ZNF398: variants seen among roughly 807,000 people sequenced by gnomAD.
ZNF398 encodes the protein zinc finger DNA binding protein ZER6.
In ZNF398, 18 loss-of-function variants were observed where a neutral mutation model predicts 41.9. The ratio of observed to expected loss-of-function variants is 0.43; its 90% confidence interval spans 0.30 to 0.64. The LOEUF is 0.64. ZNF398 is among the 30% of genes least tolerant of loss of function. The pLI is 0.14. For missense variants in ZNF398, 669 were observed against 822.8 expected, an observed-to-expected ratio of 0.81 and a Z score of 2.29; for synonymous variants, 260 against 308.8, an observed-to-expected ratio of 0.84 and a Z score of 1.66.
intron 2 of ZNF398, among the ~76,000 whole-genome samples, chr7:149,136,263 G>C (rs1323061358): frequency 6.6e-6 from 1 of 152,194 alleles, no homozygotes; most frequent in Non-Finnish European, 1.5e-5. Flanking sequence ...CTCACACTTA[G>C]AGGGTTGCAG....
At chr7:149,155,608 G>C (rs1444077726) in intron 2 of ZNF398, among the ~76,000 whole-genome samples, 1 of 150,790 alleles carries the variant, frequency 6.6e-6, no homozygotes, top group Non-Finnish European at 1.5e-5. Flanking sequence ...TAAGACCAAG[G>C]AAAGGAATTT....
At chr7:149,162,796 G>T (rs913618364) in intron 2 of ZNF398, among the ~76,000 whole-genome samples, 6 of 151,900 alleles carry the variant, frequency 3.9e-5, no homozygotes, top group African/African-American at 1.5e-4. Context: ...AGTGGTTCAC[G>T]CCTGTACTCC....
intron 2 of ZNF398, among the ~76,000 whole-genome samples, chr7:149,138,095 G>A (rs1826751278): frequency 6.6e-6 from 1 of 151,876 alleles, no homozygotes; most frequent in African/African-American, 2.4e-5. Flanking sequence ...CAGCTACTCG[G>A]GAGGCTGAGG....
chr7:149,128,781 T>TAAAATA (rs1826537779), intron 1 of ZNF398: 10 of 11,936 alleles, frequency 8.4e-4, no homozygotes, highest in African/African-American at 2.3e-3. Context: ...AAAATAAAAT[T>TAAAATA]ATATATATAT....
chr7:149,132,241 CTGTAG>C (rs1826611732), intron 2 of ZNF398, among the ~76,000 whole-genome samples: 1 of 142,770 alleles, frequency 7.0e-6, no homozygotes, highest in Non-Finnish European at 1.5e-5. Context: ...GTCCCCCAGG[CTGTAG>C]TGCAATGCTG....
intron 2 of ZNF398, among the ~76,000 whole-genome samples, chr7:149,155,386 C>T (rs891497484): frequency 1.3e-5 from 2 of 151,996 alleles, no homozygotes; most frequent in African/African-American, 4.8e-5. Flanking sequence ...CGCCACTGCA[C>T]TCCAGCCTGG....
chr7:149,142,032 C>T (rs149978029), intron 2 of ZNF398, among the ~76,000 whole-genome samples: 2 of 151,948 alleles, frequency 1.3e-5, no homozygotes, highest in Non-Finnish European at 2.9e-5. Context: ...TACTACAGCT[C>T]CAAACTCCTG....
intron 2 of ZNF398, among the ~76,000 whole-genome samples, chr7:149,162,068 G>C (rs912224198): frequency 6.6e-6 from 1 of 151,968 alleles, no homozygotes; most frequent in Admixed American, 6.6e-5. Flanking sequence ...TCTTGCTCTC[G>C]CCTGGGCTGG....
rs1487552954 is a variant in ZNF398 at position 149,154,059 on chromosome 7, G to A, written c.139G>A (p.Val47Met). The A allele has an allele frequency of 1.9e-6, 3 of 1,614,084 alleles. No homozygotes were observed. The highest frequency in any genetic ancestry group is 2.5e-6 in the Non-Finnish European group (3 of 1,180,048). ...QTAAISLWTV[V>M]AAVQAIERKV... ...AGCAGCTATCTCTCTGTGGACAGTG[G>A]TGGCCGCCGTGCAGGCTATAGAGAG... Residue 47 changes from valine to methionine, a missense_variant, in exon 2 of 6, where the codon GTG becomes ATG. Transcript: ENST00000475153.
intron 1 of ZNF398, among the ~76,000 whole-genome samples, chr7:149,151,974 C>T (rs780905532): frequency 8.6e-5 from 13 of 151,640 alleles, no homozygotes; most frequent in Admixed American, 3.9e-4. Context: ...GGCTCACGCC[C>T]GTAATGCCAA....
At chr7:149,152,138 C>G (rs1827133027) in intron 1 of ZNF398, among the ~76,000 whole-genome samples, 1 of 152,022 alleles carries the variant, frequency 6.6e-6, no homozygotes, top group Non-Finnish European at 1.5e-5. Context: ...CGCTTGAACC[C>G]AGGCAGCGGA....
intron 2 of ZNF398, among the ~76,000 whole-genome samples, chr7:149,163,457 C>G (rs993646077): frequency 1.3e-5 from 2 of 151,066 alleles, no homozygotes; most frequent in African/African-American, 4.9e-5. Context: ...ACCGCAACCT[C>G]CGCCTCCCGA....
chr7:149,148,431 G>A, intron 1 of ZNF398: 2 of 985,554 alleles, frequency 2.0e-6, no homozygotes, highest in South Asian at 4.7e-5. Context: ...AGAATGAGAA[G>A]GGGACGGTCA....
chr7:149,143,715 G>T (rs1052911546), upstream of ZNF398, among the ~76,000 whole-genome samples: 1 of 152,152 alleles, frequency 6.6e-6, no homozygotes, highest in African/African-American at 2.4e-5. Flanking sequence ...GGGAGGCTGA[G>T]GCAGGAGAAT....
intron 2 of ZNF398, among the ~76,000 whole-genome samples, chr7:149,130,793 G>C (rs1232158813): frequency 6.6e-6 from 1 of 152,196 alleles, no homozygotes; most frequent in East Asian, 1.9e-4. Flanking sequence ...GGGTGTTACT[G>C]CTGAGGAGAT....
intron 2 of ZNF398, among the ~76,000 whole-genome samples, chr7:149,161,399 G>A (rs1217269734): frequency 1.3e-5 from 2 of 152,090 alleles, no homozygotes; most frequent in Non-Finnish European, 2.9e-5. Flanking sequence ...CAAAAATTAT[G>A]TTTCTAAAGA....
chr7:149,172,777 G>C (rs1335976705), intron 4 of ZNF398, among the ~76,000 whole-genome samples: 1 of 152,146 alleles, frequency 6.6e-6, no homozygotes, highest in African/African-American at 2.4e-5. Context: ...GGCATCTCCA[G>C]GATATTGTGG....
chr7:149,160,189 AGCACTTTGGG>A (rs1408523893), intron 2 of ZNF398, among the ~76,000 whole-genome samples: 2 of 152,192 alleles, frequency 1.3e-5, no homozygotes, highest in African/African-American at 4.8e-5. Flanking sequence ...CTGTAATCCC[AGCACTTTGGG>A]AGGCCAAGGC....
intron 1 of ZNF398, chr7:149,148,120 T>G: frequency 3.8e-6 from 1 of 263,476 alleles, no homozygotes; most frequent in Non-Finnish European, 7.2e-6. Flanking sequence ...CCGTCAGCCA[T>G]TCTCGCGGCC....
Sources: allele counts gnomAD v4.1 joint callset (sites outside exome capture counted in the v4.1 genomes callset), GRCh38; gene constraint gnomAD v4.1.1; transcripts MANE v1.5; gene names NCBI Gene and HGNC (gene_info 2026-07-23, HGNC 2026-07-21).